TNC: variants seen among roughly 807,000 people sequenced by gnomAD.
TNC encodes the protein tenascin C.
A neutral mutation model predicts 202.4 loss-of-function variants in TNC; 109 were observed. The observed-to-expected ratio is 0.54, with a 90% CI of 0.46 to 0.63. The LOEUF (loss-of-function observed/expected upper bound fraction) is 0.63. Among genes scored for constraint, TNC ranks in the 30% least tolerant of loss-of-function variants. The pLI is 0.00. For missense variants in TNC, 2,756 were observed against 2,833.3 expected (o/e 0.97, Z 0.62); for synonymous variants, 1,007 against 1,089.7 (o/e 0.92, Z 1.50).
intron 1 of TNC, among the ~76,000 whole-genome samples, chr9:115,104,467 A>T (rs538555283): frequency 1.3e-5 from 2 of 152,192 alleles, no homozygotes; most frequent in East Asian, 1.9e-4. Flanking sequence ...AGGCATTGTG[A>T]TGGGAGAGAC....
At chr9:115,073,018 C>A (rs1833575306) in intron 10 of TNC, among the ~76,000 whole-genome samples, 3 of 152,072 alleles carry the variant, frequency 2.0e-5, no homozygotes, top group Non-Finnish European at 4.4e-5. Context: ...ATTAAGCTGT[C>A]GTCATAGACA....
intron 10 of TNC, among the ~76,000 whole-genome samples, chr9:115,070,499 T>TAAC (rs1003902897): frequency 1.3e-5 from 2 of 152,240 alleles, no homozygotes; most frequent in African/African-American, 4.8e-5. Context: ...TAGGGCCCTG[T>TAAC]AACCCATGGC....
chr9:115,111,797 A>T (rs1837093248), intron 1 of TNC, among the ~76,000 whole-genome samples: 1 of 152,064 alleles, frequency 6.6e-6, no homozygotes, highest in Admixed American at 6.5e-5. Flanking sequence ...CCTTGGACCA[A>T]CAGCTTTGAA....
intron 6 of TNC, 111 bp from the exon 7 acceptor site, chr9:115,078,323 C>T (rs1309103106): frequency 1.6e-6 from 2 of 1,266,508 alleles, no homozygotes; most frequent in East Asian, 4.9e-5. Context: ...CTTATACTAA[C>T]TGCTTGACTT....
intron 13 of TNC, among the ~76,000 whole-genome samples, chr9:115,060,207 T>C (rs771427487): frequency 3.3e-5 from 5 of 152,082 alleles, no homozygotes; most frequent in Non-Finnish European, 7.4e-5. Flanking sequence ...AAGGGAAATA[T>C]CTACATGGTT....
chr9:115,091,688 A>G lies in TNC; in HGVS notation c.-136-534T>C, dbSNP rs796788443. Among the ~76,000 whole-genome samples, 28 of 152,288 alleles carry G rather than the reference A, an allele frequency of 1.8e-4. 1 individual carries two copies. The highest frequency in any genetic ancestry group is 6.7e-4 in the African/African-American group (28 of 41,564). On this transcript the variant is annotated intron_variant, in intron 1 of 27. Transcript: ENST00000350763. ...GATTTTCAAAACTGATTTCCACACC[A>G]TCTGCTGGTTCTCTTCTGTCATGAG...
chr9:115,054,305 A>C (rs1040824536), intron 15 of TNC, among the ~76,000 whole-genome samples: 1 of 152,236 alleles, frequency 6.6e-6, no homozygotes, highest in Non-Finnish European at 1.5e-5. Context: ...TCAGAAGCAG[A>C]ATATAGCCAT....
chr9:115,039,956 TGAG>T (rs1830607776), intron 19 of TNC, among the ~76,000 whole-genome samples: 1 of 152,252 alleles, frequency 6.6e-6, no homozygotes, highest in Non-Finnish European at 1.5e-5. Flanking sequence ...TTTCAGGCTA[TGAG>T]GATATTTTTA....
At position 115,046,573 on chromosome 9, in the gene TNC, G is replaced by A. The variant is rs939716772; in HGVS notation, c.4962C>T (p.Ile1654=). The change falls in exon 17 of 28, where the codon ATC becomes ATT. Residue 1654 remains isoleucine (I), a synonymous_variant. Transcript: ENST00000350763. ...GCTCAGACTGCTTTTTGGTATCTCTGATTTTGAGAACAAAATTGTCGAAGA... is the reference window on the plus strand; with the variant it reads ...GCTCAGACTGCTTTTTGGTATCTCTAATTTTGAGAACAAAATTGTCGAAGA... ...EGVFDNFVLK[I]RDTKKQSEPL... The A allele has an allele frequency of 4.3e-6, 7 of 1,614,070 alleles. No homozygotes were observed. Among genetic ancestry groups the A allele is most frequent in the Non-Finnish European group, 5.9e-6 (7 of 1,180,006 alleles).
chr9:115,024,462 T>C (rs10982499), intron 26 of TNC, among the ~76,000 whole-genome samples: 10,632 of 152,240 alleles, frequency 0.07, 539 homozygotes, highest in Middle Eastern at 0.14. Context: ...TTCTCATCTA[T>C]ACAATGGAAC....
chr9:115,116,654 G>A (rs1285482223), intron 1 of TNC, among the ~76,000 whole-genome samples: 1 of 152,222 alleles, frequency 6.6e-6, no homozygotes, highest in Non-Finnish European at 1.5e-5. Context: ...TTTCCAAAGA[G>A]TTTCCAACAG....
chr9:115,056,907 T>C (rs1832167519), intron 15 of TNC, among the ~76,000 whole-genome samples: 1 of 152,212 alleles, frequency 6.6e-6, no homozygotes, highest in South Asian at 2.1e-4. Context: ...TATGGCAAAT[T>C]AGACTGAACT....
chr9:115,041,006 A>C lies in TNC; in HGVS notation c.5327T>G (p.Leu1776Arg), dbSNP rs1830690031. The C allele has an allele frequency of 6.2e-7, 1 of 1,614,090 alleles. No homozygotes were observed. Among genetic ancestry groups the C allele is most frequent in the East Asian group, 2.2e-5 (1 of 44,862 alleles). ...LVKLIPGVEY[L>R]VSIIAMKGFE... is the part of the protein sequence containing the mutation. ...GCCCTTCATGGCGATGATGCTGACA[A>C]GGTACTCCACGCCAGGTATGAGTTT... Residue 1776 changes from leucine (L) to arginine (R), a missense_variant, in exon 19 of 28, where the codon CTT becomes CGT. Physicochemically the swap from Leu to Arg is moderately radical, Grantham distance 102. This residue lies in a region of TNC where 2,559 missense variants were observed against 2,546.0 expected (regional missense o/e 1.01). Transcript: ENST00000350763.
At chr9:115,052,999 C>T in intron 15 of TNC, 1 of 699,450 alleles carries the variant, frequency 1.4e-6, no homozygotes, top group Non-Finnish European at 2.6e-6. Flanking sequence ...TTAGCGTGCC[C>T]AACTGTGGCT....
At chr9:115,089,727 T>C (rs1056116930) in intron 2 of TNC, among the ~76,000 whole-genome samples, 7 of 152,222 alleles carry the variant, frequency 4.6e-5, no homozygotes, top group African/African-American at 1.7e-4. Flanking sequence ...CTTGAACTCC[T>C]AACTTCAGGT....
chr9:115,075,543 T>C (rs1833780548), intron 9 of TNC, among the ~76,000 whole-genome samples: 1 of 152,126 alleles, frequency 6.6e-6, no homozygotes, highest in Non-Finnish European at 1.5e-5. Flanking sequence ...TCCCAGCACT[T>C]TGGGAGGCCG....
chr9:115,086,045 T>A lies in TNC; in HGVS notation c.1686A>T (p.Arg562Ser), dbSNP rs753042730. 1 of 1,614,062 alleles carries A rather than the reference T, an allele frequency of 6.2e-7. No individual in the cohort carries two copies. The highest frequency in any genetic ancestry group is 8.5e-7 in the Non-Finnish European group (1 of 1,179,992). The change falls in exon 3 of 28, where the codon AGA (arginine) becomes AGT (serine). Residue 562 changes from arginine (R) to serine (S), a missense_variant. Transcript: ENST00000350763. ...CCTGGCCATGACAGTCACTGGGACA[T>A]CTTTGCTCCTTGCAGTCTTTGCCCA... is the stretch of plus-strand genomic sequence containing the variant. ...GFMGKDCKEQ[R>S]CPSDCHGQGR...
In TNC at chr9:115,059,847, C is replaced by T; in HGVS notation, c.4189G>A (p.Gly1397Ser). The change falls in exon 14 of 28, where the codon GGC (glycine) becomes AGC (serine). Residue 1397 changes from glycine (G) to serine (S), a missense_variant. Gly to Ser is a moderately conservative substitution (Grantham distance 56). Around this residue, in one of 2 missense-constraint regions of TNC, gnomAD observed 2,559 missense variants for 2,546.0 expected, o/e 1.01. Coordinates refer to ENST00000350763, the MANE Select transcript of TNC (RefSeq NM_002160.4). ...GGGATGTCCACAGCCCTGAGGCTGC[C>T]AGGCAACGTGAGGTTCTGGGCTGCC... ...VEAAQNLTLP[G>S]SLRAVDIPGL... 1 of 1,614,072 alleles carries T rather than the reference C, an allele frequency of 6.2e-7. No homozygotes were observed. The highest frequency in any genetic ancestry group is 8.5e-7 in the Non-Finnish European group (1 of 1,180,016).
intron 20 of TNC, 81 bp downstream of exon 20, chr9:115,038,180 G>T (rs1830471743): frequency 6.5e-7 from 1 of 1,533,426 alleles, no homozygotes; most frequent in Middle Eastern, 1.7e-4. Context: ...ACCAAATGTG[G>T]CAGGGAGAAG....
Sources: allele counts gnomAD v4.1 joint callset (sites outside exome capture counted in the v4.1 genomes callset), GRCh38; gene constraint gnomAD v4.1.1; regional missense constraint gnomAD v4.1.1; transcripts MANE v1.5; gene names NCBI Gene and HGNC (gene_info 2026-07-23, HGNC 2026-07-21).